Variants in KIF26B observed in about 807,000 individuals in gnomAD.
KIF26B encodes kinesin-like protein KIF26B.
A neutral mutation model predicts 151.2 loss-of-function variants in KIF26B; 63 were observed. The ratio of observed to expected loss-of-function variants is 0.42; its 90% CI spans 0.34 to 0.51. The LOEUF is 0.51. Among genes scored for constraint, KIF26B ranks in the 20% least tolerant of loss-of-function variants. KIF26B has a pLI of 0.07. For missense variants in KIF26B, 2,813 were observed against 2,913.6 expected, an observed-to-expected ratio of 0.97 and a Z score of 0.79; for synonymous variants, 1,357 against 1,262.1, an observed-to-expected ratio of 1.08 and a Z score of -1.59.
intron 5 of KIF26B, among the ~76,000 whole-genome samples, chr1:245,549,938 G>A (rs1192787225): frequency 2.0e-5 from 3 of 152,058 alleles, no homozygotes; most frequent in African/African-American, 4.8e-5. Context: ...ATGCCACCAC[G>A]CTCAGCTAAT....
In KIF26B at chr1:245,602,594, C is replaced by T; in HGVS notation, c.1368C>T (p.Arg456=). 6.2e-7 allele frequency: 1 copy of T among 1,612,446 alleles called. No individual in the cohort carries two copies. The highest frequency in any genetic ancestry group is 8.5e-7 in the Non-Finnish European group (1 of 1,179,120). Residue 456 remains arginine, a synonymous_variant, in exon 6 of 15, where the codon CGC becomes CGT. Transcript: ENST00000407071. The surrounding 1 kb of genome is among the most constrained non-coding windows in gnomAD (Gnocchi z 4.5). ...CTTAACAGGTGAAAGTCATGCTTCG[C>T]ATCTGTTCCACCTTGGCTCGAGATA... ...PGLGKVKVML[R]ICSTLARDTS...
chr1:245,208,168 G>A (rs1366590499), intron 2 of KIF26B, among the ~76,000 whole-genome samples: 4 of 152,176 alleles, frequency 2.6e-5, no homozygotes, highest in African/African-American at 4.8e-5. Flanking sequence ...AAACCAAAGC[G>A]ATAGGCTGGC....
At chr1:245,666,960 G>A (rs1017412647) in intron 10 of KIF26B, among the ~76,000 whole-genome samples, 6 of 152,024 alleles carry the variant, frequency 3.9e-5, no homozygotes, top group African/African-American at 7.3e-5. Context: ...GTTCCTCTTC[G>A]GGGAACGTTG....
intron 2 of KIF26B, among the ~76,000 whole-genome samples, chr1:245,361,508 A>G (rs1672818528): frequency 6.6e-6 from 1 of 152,150 alleles, no homozygotes; most frequent in Non-Finnish European, 1.5e-5. Context: ...TTGTGTGATC[A>G]CCATCACTGG....
chr1:245,520,114 TGAGAGA>T (rs10650644), intron 4 of KIF26B, among the ~76,000 whole-genome samples: 142 of 132,524 alleles, frequency 1.1e-3, no homozygotes, highest in East Asian at 3.8e-3. Context: ...CTCAACTAAC[TGAGAGA>T]GAGAGAGAGA....
intron 2 of KIF26B, among the ~76,000 whole-genome samples, chr1:245,325,571 C>T (rs749692820): frequency 6.6e-5 from 10 of 151,776 alleles, no homozygotes; most frequent in South Asian, 2.1e-4. Context: ...AATTAGCGGG[C>T]GTGGTGGTGC....
At chr1:245,354,048 G>A (rs1672628273) in intron 2 of KIF26B, 1 of 140,436 alleles carries the variant, frequency 7.1e-6, no homozygotes, top group Non-Finnish European at 1.5e-5. Context: ...TACAGCTCAG[G>A]TCCTTATCCT....
intron 4 of KIF26B, among the ~76,000 whole-genome samples, chr1:245,444,807 G>A (rs1188211904): frequency 1.3e-5 from 2 of 152,274 alleles, no homozygotes; most frequent in African/African-American, 4.8e-5. Flanking sequence ...CCAAGACAGG[G>A]ATCCTTCCCA....
intron 3 of KIF26B, among the ~76,000 whole-genome samples, chr1:245,372,833 A>G (rs531330562): frequency 6.6e-6 from 1 of 152,292 alleles, no homozygotes; most frequent in Non-Finnish European, 1.5e-5. Context: ...GGAGATTTGG[A>G]GACAGAGTCT....
At chr1:245,315,245 G>A (rs1236427381) in intron 2 of KIF26B, among the ~76,000 whole-genome samples, 2 of 150,792 alleles carry the variant, frequency 1.3e-5, no homozygotes, top group Non-Finnish European at 3.0e-5. Context: ...ACTGTTTAAT[G>A]GGTAGAGAGT....
intron 5 of KIF26B, among the ~76,000 whole-genome samples, chr1:245,555,844 TG>T (rs1330897607): frequency 3.9e-5 from 6 of 151,916 alleles, no homozygotes; most frequent in Non-Finnish European, 7.4e-5. Context: ...AATGAGGACT[TG>T]GGGGGGTTCA....
Position 245,685,530 on chromosome 1 carries a change from C to T in KIF26B, c.2547C>T (p.Ser849=). Reference sequence around the variant, plus strand: ...CTGACTTCCCCATCGCTCACCTGTCCAGCGACCCCGACTACTCCTCCAGCA... The same window carrying T: ...CTGACTTCCCCATCGCTCACCTGTCTAGCGACCCCGACTACTCCTCCAGCA... ...VDPDFPIAHL[S]SDPDYSSSSE... Residue 849 remains serine, a synonymous_variant, in exon 12 of 15, where the codon TCC becomes TCT. Transcript: ENST00000407071. The T allele has an allele frequency of 6.2e-7, 1 of 1,613,896 alleles. No individual in the cohort carries two copies. Among genetic ancestry groups the T allele is most frequent in the Admixed American group, 1.7e-5 (1 of 60,022 alleles).
chr1:245,650,725 A>G (rs1037296326), intron 10 of KIF26B, among the ~76,000 whole-genome samples: 2 of 152,196 alleles, frequency 1.3e-5, no homozygotes, highest in Non-Finnish European at 1.5e-5. Flanking sequence ...CAGTGTTTCT[A>G]AACACTCTGT....
intron 2 of KIF26B, among the ~76,000 whole-genome samples, chr1:245,254,051 T>A (rs570258171): frequency 6.6e-6 from 1 of 151,930 alleles, no homozygotes; most frequent in Non-Finnish European, 1.5e-5. Context: ...ACCTCGTAAT[T>A]TGCCCGCCTC....
chr1:245,273,452 C>T (rs375529271), intron 2 of KIF26B, among the ~76,000 whole-genome samples: 1 of 144,146 alleles, frequency 6.9e-6, no homozygotes. Flanking sequence ...CCCCAAAAAA[C>T]AAAAGTGGGA....
At chr1:245,461,928 A>G (rs1659657841) in intron 4 of KIF26B, among the ~76,000 whole-genome samples, 1 of 152,162 alleles carries the variant, frequency 6.6e-6, no homozygotes, top group Non-Finnish European at 1.5e-5. Flanking sequence ...AGCCCTGGCA[A>G]CATGGTGAGA....
chr1:245,216,693 T>G (rs1243242395), intron 2 of KIF26B, among the ~76,000 whole-genome samples: 2 of 152,154 alleles, frequency 1.3e-5, no homozygotes, highest in African/African-American at 4.8e-5. Flanking sequence ...GATGGGGAGC[T>G]GCTCTCCCTG....
At chr1:245,174,791 C>A (rs1668775482) in intron 2 of KIF26B, among the ~76,000 whole-genome samples, 1 of 152,198 alleles carries the variant, frequency 6.6e-6, no homozygotes, top group Admixed American at 6.5e-5. Context: ...TATTCTTTGG[C>A]TTTACTCCCC....
intron 4 of KIF26B, among the ~76,000 whole-genome samples, chr1:245,499,425 G>T (rs1252864874): frequency 2.0e-5 from 3 of 152,190 alleles, no homozygotes; most frequent in Admixed American, 1.3e-4. Flanking sequence ...GAATAAGGGT[G>T]GAGTCCCTAA....
Sources: gnomAD v4.1 joint callset for allele counts (sites outside exome capture counted in the v4.1 genomes callset) on GRCh38, gnomAD v4.1.1 for gene constraint, Gnocchi (gnomAD v3.1) non-coding constraint, MANE v1.5 for transcripts, NCBI Gene and HGNC (gene_info 2026-07-23, HGNC 2026-07-21) for gene names.